The following C8orf89 variants were observed in gnomAD, a reference collection of about 807,000 sequenced individuals.
C8orf89 encodes the protein putative uncharacterized protein C8orf89.
Under a neutral mutation model 15.8 loss-of-function variants are expected in C8orf89, and 14 were observed. That is an observed-to-expected ratio of 0.89 (90% CI 0.59 to 1.39). The LOEUF (loss-of-function observed/expected upper bound fraction) is 1.39. Ranked by LOEUF, C8orf89 falls within the 40% of genes most tolerant of loss-of-function variation. The pLI is 0.00. For synonymous variants in C8orf89, 55 were observed against 62.2 expected, an observed-to-expected ratio of 0.88 and a Z score of 0.54; for missense variants, 181 against 184.5, an observed-to-expected ratio of 0.98 and a Z score of 0.11.
the C8orf89 span, among the ~76,000 whole-genome samples, chr8:73,282,872 T>G: frequency 3.3e-5 from 5 of 152,176 alleles, no homozygotes; most frequent in Non-Finnish European, 7.4e-5. Context: ...TTGAGGTGAC[T>G]GAGAATTATG....
the C8orf89 span, chr8:73,277,945 T>G: frequency 3.0e-6 from 2 of 661,614 alleles, no homozygotes; most frequent in Non-Finnish European, 5.8e-6. Context: ...GAAACATGTC[T>G]GTGTTGGCCA....
the C8orf89 span, chr8:73,277,426 A>G: frequency 8.5e-7 from 1 of 1,181,282 alleles, no homozygotes; most frequent in Non-Finnish European, 1.2e-6. Flanking sequence ...CAGACAAAGT[A>G]GGTTTACTTT....
intron 2 of C8orf89, among the ~76,000 whole-genome samples, chr8:73,255,640 C>T (rs1813357615): frequency 6.7e-6 from 1 of 148,992 alleles, no homozygotes; most frequent in African/African-American, 2.5e-5. Flanking sequence ...AATCATGCTG[C>T]TATAAAGACA....
At chr8:73,277,357 G>T in the C8orf89 span, 3 of 911,756 alleles carry the variant, frequency 3.3e-6, no homozygotes, top group Non-Finnish European at 5.1e-6. Flanking sequence ...AGTTTCACAC[G>T]ATCATTTTTT....
intron 3 of C8orf89, among the ~76,000 whole-genome samples, chr8:73,246,303 T>C (rs1351089497): frequency 2.6e-5 from 4 of 152,216 alleles, no homozygotes; most frequent in Admixed American, 1.3e-4. Flanking sequence ...ACAGAAGTCA[T>C]AATGTTAGAA....
chr8:73,249,599 AG>A (rs1382315824), intron 3 of C8orf89, among the ~76,000 whole-genome samples: 1 of 152,124 alleles, frequency 6.6e-6, no homozygotes, highest in Admixed American at 6.5e-5. Context: ...AAAAAACTTA[AG>A]CTTTTAATGA....
intron 2 of C8orf89, among the ~76,000 whole-genome samples, chr8:73,255,134 A>C (rs1211254558): frequency 6.6e-6 from 1 of 151,720 alleles, no homozygotes; most frequent in Admixed American, 6.6e-5. Context: ...TAATTAAACT[A>C]AAGAGCTTCT....
chr8:73,256,601 G>A (rs921963734), intron 2 of C8orf89, among the ~76,000 whole-genome samples: 20 of 151,392 alleles, frequency 1.3e-4, no homozygotes, highest in African/African-American at 2.9e-4. Context: ...GGTGGCGGGC[G>A]CCTGTAATCC....
At chr8:73,274,954 G>T in the C8orf89 span, among the ~76,000 whole-genome samples, 4 of 152,120 alleles carry the variant, frequency 2.6e-5, no homozygotes, top group African/African-American at 9.7e-5. Context: ...CCTCCTACAA[G>T]TGGTAAGGTG....
chr8:73,246,198 A>T (rs1186884026), intron 3 of C8orf89, among the ~76,000 whole-genome samples: 3 of 152,262 alleles, frequency 2.0e-5, no homozygotes, highest in Non-Finnish European at 4.4e-5. Context: ...TATTCTTCAC[A>T]TCAAAATAAG....
chr8:73,255,825 T>C (rs1486920661), intron 2 of C8orf89, among the ~76,000 whole-genome samples: 1 of 151,454 alleles, frequency 6.6e-6, no homozygotes, highest in Admixed American at 6.6e-5. Context: ...TGGATGAAAT[T>C]GGAAATCATC....
chr8:73,264,726 A>G, the C8orf89 span, among the ~76,000 whole-genome samples: 1 of 152,120 alleles, frequency 6.6e-6, no homozygotes, highest in Non-Finnish European at 1.5e-5. Context: ...CCTGACCTCA[A>G]GTGATCCACC....
chr8:73,284,763 G>GT, the C8orf89 span, among the ~76,000 whole-genome samples: 1 of 152,276 alleles, frequency 6.6e-6, no homozygotes, highest in East Asian at 1.9e-4. Flanking sequence ...AAATGTCAGA[G>GT]TATTTCTGAA....
In C8orf89 at chr8:73,247,023, TA is replaced by T. The variant is rs531064077; in HGVS notation, c.337+3244del. ...ATGATAAAAATTTAAAATAAGGTTTTAAAAATCTTTAACTTTCTTTTTAACT... is the reference window on the plus strand; with the variant it reads ...ATGATAAAAATTTAAAATAAGGTTTTAAAATCTTTAACTTTCTTTTTAACT... On this transcript the variant is annotated intron_variant, in intron 3 of 3. Coordinates refer to ENST00000624510, the MANE Select transcript of C8orf89 (RefSeq NM_001243237.3). Among the ~76,000 whole-genome samples the T allele has an allele frequency of 1.4e-3, 219 of 152,338 alleles. 1 individual carries two copies. Among genetic ancestry groups the T allele is most frequent in the African/African-American group, 5.0e-3 (207 of 41,582 alleles).
chr8:73,241,746 T>A, intron 3 of C8orf89, 141 bp from the exon 4 acceptor site: 1 of 586,882 alleles, frequency 1.7e-6, no homozygotes. Flanking sequence ...AGAGCTATAC[T>A]AACCCAAAAA....
chr8:73,257,733 T>C (rs1813430156), intron 1 of C8orf89, among the ~76,000 whole-genome samples: 1 of 152,110 alleles, frequency 6.6e-6, no homozygotes, highest in Non-Finnish European at 1.5e-5. Context: ...AGGCATTAAA[T>C]GAAAAGAAAA....
chr8:73,282,885 A>G, the C8orf89 span, among the ~76,000 whole-genome samples: 2 of 152,202 alleles, frequency 1.3e-5, no homozygotes, highest in Admixed American at 6.5e-5. Flanking sequence ...GAATTATGGA[A>G]CCATGAATTA....
the C8orf89 span, among the ~76,000 whole-genome samples, chr8:73,268,262 G>A: frequency 1.3e-5 from 2 of 152,028 alleles, no homozygotes; most frequent in Non-Finnish European, 2.9e-5. Context: ...GGCAGATCAC[G>A]AGGTCAGGAG....
At chr8:73,276,963 T>C in the C8orf89 span, among the ~76,000 whole-genome samples, 1 of 151,944 alleles carries the variant, frequency 6.6e-6, no homozygotes, top group Admixed American at 6.6e-5. Flanking sequence ...CACGCCACCA[T>C]GCCCGGCTGA....
Sources: gnomAD v4.1 joint callset for allele counts (sites outside exome capture counted in the v4.1 genomes callset) on GRCh38, gnomAD v4.1.1 for gene constraint, MANE v1.5 for transcripts, NCBI Gene and HGNC (gene_info 2026-07-23, HGNC 2026-07-21) for gene names.